Variants in NR2F2 observed in about 807,000 individuals in gnomAD.
NR2F2 encodes the protein COUP transcription factor 2.
NR2F2 carries 2 observed loss-of-function variants against 34.8 expected under a neutral mutation model. The ratio of observed to expected loss-of-function variants is 0.06; its 90% CI spans 0.02 to 0.18. The LOEUF (loss-of-function observed/expected upper bound fraction) is 0.18. Ranked by LOEUF, NR2F2 falls within the 10% of genes least tolerant of loss-of-function variation. The probability of loss-of-function intolerance (pLI) is 1.00; values close to 1 mark genes in which losing one functional copy is unlikely to be tolerated. For synonymous variants in NR2F2, 274 were observed against 251.8 expected, an observed-to-expected ratio of 1.09 and a Z score of -0.84; for missense variants, 300 against 580.1, an observed-to-expected ratio of 0.52 and a Z score of 4.96.
chr15:96,335,828 G>A (rs1178972546), intron 2 of NR2F2, among the ~76,000 whole-genome samples: 1 of 152,222 alleles, frequency 6.6e-6, no homozygotes, highest in Non-Finnish European at 1.5e-5. Flanking sequence ...CTGCTGTCTT[G>A]TACATTGCTG....
At position 96,339,068 on chromosome 15, in the gene NR2F2, T is replaced by G. The variant is rs2141173694; in HGVS notation, c.*1446T>G. ...TAAACCACCCCCATTCACCTAATCC[T>G]CCTTTTAATTAAAAATGGATTTTCC... is the stretch of plus-strand genomic sequence containing the variant. On this transcript the variant is annotated 3_prime_UTR_variant, in exon 3 of 3. Coordinates refer to ENST00000394166, the MANE Select transcript of NR2F2 (RefSeq NM_021005.4). The G allele has an allele frequency of 6.6e-6, 1 of 151,546 alleles. No individual in the cohort carries two copies. 9.4% of individuals were successfully genotyped at this position (151,546 alleles called of 1,614,324 possible).
rs1276931449 is a variant in NR2F2, at chr15:96,330,923, T to C, written c.-1183T>C. The C allele has an allele frequency of 8.8e-7, 1 of 1,131,800 alleles. No homozygotes were observed. Among genetic ancestry groups the C allele is most frequent in the Non-Finnish European group, 1.1e-6 (1 of 922,156 alleles). The allele number at this position is 1,131,800 out of a possible 1,614,324, so 70.1% of individuals were successfully genotyped here. On this transcript the variant is annotated 5_prime_UTR_variant, in exon 1 of 3. Coordinates refer to ENST00000394166, the MANE Select transcript of NR2F2 (RefSeq NM_021005.4). ...TCCCCTCTTTCATTCTTTCTCTCCG[T>C]CTTTTTCTCCCCCCTCTGCGCACGA... is the stretch of plus-strand genomic sequence containing the variant.
Position 96,339,414 on chromosome 15 carries a change from T to C in NR2F2, c.*1792T>C, listed in dbSNP as rs146161816. 1.3e-5 allele frequency: 2 copies of C among 152,318 alleles called. No homozygotes were observed. Among genetic ancestry groups the C allele is most frequent in the East Asian group, 1.9e-4 (1 of 5,182 alleles). The allele number at this position is 152,318 out of a possible 1,614,324, so 9.4% of individuals were successfully genotyped here. ...GGTTCTAAGACTGAAAGGTCTACTTTTAATGTATATATGATAACTTGCAGT... is the reference window on the plus strand; with the variant it reads ...GGTTCTAAGACTGAAAGGTCTACTTCTAATGTATATATGATAACTTGCAGT... On this transcript the variant is annotated 3_prime_UTR_variant, in exon 3 of 3. Transcript: ENST00000394166.
upstream of NR2F2, among the ~76,000 whole-genome samples, chr15:96,329,412 G>A (rs1015433438): frequency 1.3e-5 from 2 of 152,174 alleles, no homozygotes; most frequent in Non-Finnish European, 2.9e-5. Flanking sequence ...CTATGAAGTT[G>A]TTCTTTTTGC....
intron 2 of NR2F2, 81 bp downstream of exon 2, chr15:96,334,684 C>G (rs1899267454): frequency 6.9e-7 from 1 of 1,459,144 alleles, no homozygotes; most frequent in African/African-American, 1.4e-5. Context: ...GTCCCCAGGG[C>G]AAACCCAGTC....
Position 96,334,350 on chromosome 15 carries a change from G to C in NR2F2, c.717G>C (p.Thr239=), listed in dbSNP as rs1382425992. The C allele has an allele frequency of 1.2e-6, 2 of 1,614,042 alleles. No homozygotes were observed. Among genetic ancestry groups the C allele is most frequent in the East Asian group, 2.2e-5 (1 of 44,874 alleles). ...CCTTCTTCCCCGACCTGCAGATCACGGACCAGGTGGCCCTGCTTCGCCTCA... is the reference window on the plus strand; with the variant it reads ...CCTTCTTCCCCGACCTGCAGATCACCGACCAGGTGGCCCTGCTTCGCCTCA... ...NIPFFPDLQI[T]DQVALLRLTW... Residue 239 remains threonine, a synonymous_variant, in exon 2 of 3, where the codon ACG becomes ACC. Transcript: ENST00000394166.
intron 2 of NR2F2, among the ~76,000 whole-genome samples, chr15:96,336,644 C>T (rs568017124): frequency 4.1e-5 from 6 of 146,744 alleles, no homozygotes; most frequent in Non-Finnish European, 7.4e-5. Flanking sequence ...GGATGCTTCT[C>T]GGAGGGACCT....
In NR2F2 at chr15:96,332,200, C is replaced by G. The variant is rs1360897061; in HGVS notation, c.95C>G (p.Pro32Arg). 8.2e-6 allele frequency: 11 copies of G among 1,336,052 alleles called. No individual in the cohort carries two copies. The highest frequency in any genetic ancestry group is 1.1e-5 in the Non-Finnish European group (11 of 1,045,576). 82.8% of individuals were successfully genotyped at this position (1,336,052 alleles called of 1,614,324 possible). Residue 32 changes from proline (P) to arginine (R), a missense_variant, in exon 1 of 3, where the codon CCG becomes CGG. Pro to Arg is a moderately radical substitution (Grantham distance 103, BLOSUM62 -2). This residue lies in a region of NR2F2 where 105 missense variants were observed against 107.8 expected (regional missense o/e 0.97). Transcript: ENST00000394166. Reference protein sequence around the residue: ...QASQAPPVPGPPPGAPHTPQT... With the variant: ...QASQAPPVPGRPPGAPHTPQT... ...TCGCAGGCGCCGCCCGTGCCCGGCC[C>G]GCCGCCCGGCGCCCCGCACACGCCA...
intron 2 of NR2F2, among the ~76,000 whole-genome samples, 180 bp from the exon 3 acceptor site, chr15:96,337,168 C>G (rs186627056): frequency 2.5e-4 from 38 of 152,186 alleles, no homozygotes; most frequent in Admixed American, 9.8e-4. Flanking sequence ...CGCCTCCCCC[C>G]CTTAAGTTTT....
chr15:96,332,131 G>A lies in NR2F2; in HGVS notation c.26G>A (p.Arg9His), dbSNP rs1404672223. The A allele has an allele frequency of 2.2e-6, 3 of 1,357,452 alleles. No homozygotes were observed. Among genetic ancestry groups the A allele is most frequent in the Non-Finnish European group, 2.8e-6 (3 of 1,054,860 alleles). 84.1% of individuals were successfully genotyped at this position (1,357,452 alleles called of 1,614,324 possible). Residue 9 changes from arginine (R) to histidine (H), a missense_variant, in exon 1 of 3, where the codon CGC becomes CAC. Arg to His is a conservative substitution (Grantham distance 29). Transcript: ENST00000394166. Reference sequence around the variant, plus strand: ...ATGGCAATGGTAGTCAGCACGTGGCGCGACCCCCAGGACGAGGTGCCCGGC... The same window carrying A: ...ATGGCAATGGTAGTCAGCACGTGGCACGACCCCCAGGACGAGGTGCCCGGC... MAMVVSTW[R>H]DPQDEVPGSQ...
upstream of NR2F2, among the ~76,000 whole-genome samples, chr15:96,329,243 A>G (rs536644955): frequency 6.6e-6 from 1 of 152,360 alleles, no homozygotes; most frequent in Non-Finnish European, 1.5e-5. Context: ...TGGAATAATG[A>G]TAATTCACTA....
Position 96,338,547 on chromosome 15 carries a change from ATTG to A in NR2F2, c.*929_*931del, listed in dbSNP as rs1899401950. On this transcript the variant is annotated 3_prime_UTR_variant, in exon 3 of 3. Coordinates refer to ENST00000394166, the MANE Select transcript of NR2F2 (RefSeq NM_021005.4). ...ATATTTGCAAACCCTTTGTATTATA[ATTG>A]TTGATATTTTCCCTTTTTAAAAAAT... 1 of 152,592 alleles carries A rather than the reference ATTG, an allele frequency of 6.6e-6. No homozygotes were observed. Among genetic ancestry groups the A allele is most frequent in the African/African-American group, 2.4e-5 (1 of 41,426 alleles). The allele number at this position is 152,592 out of a possible 1,614,324, so 9.5% of individuals were successfully genotyped here. A position where few individuals can be genotyped will look rare whatever the true frequency, so the allele number is the denominator to read the frequency against.
chr15:96,326,202 G>A (rs1898978322), upstream of NR2F2: 1 of 928,474 alleles, frequency 1.1e-6, no homozygotes. This position sits in a 1 kb window ranked among gnomAD's most constrained non-coding sequence, Gnocchi z 5.5. Flanking sequence ...GATAAACACC[G>A]AGGAGGAGAT....
At chr15:96,330,319 C>A (rs1899094368), upstream of NR2F2, among the ~76,000 whole-genome samples, 1 of 151,960 alleles carries the variant, frequency 6.6e-6, no homozygotes, top group Non-Finnish European at 1.5e-5. Context: ...CTAGTCTCCC[C>A]GCCGGGGCGG....
rs1041307591 is a variant in NR2F2 at position 96,332,067 on chromosome 15, G to A, written c.-39G>A. On this transcript the variant is annotated 5_prime_UTR_variant, in exon 1 of 3. Transcript: ENST00000394166. ...CGCCGCCGCCCCGCCGCCGCCCGCA[G>A]CCAGGGGAGCAGGAAGTCCGGACGC... is the stretch of plus-strand genomic sequence containing the variant. 1.8e-5 allele frequency: 23 copies of A among 1,270,876 alleles called. No individual in the cohort carries two copies. In the African/African-American group the frequency reaches 3.4e-4, roughly 19 times the overall value. The allele number at this position is 1,270,876 out of a possible 1,614,324, so 78.7% of individuals were successfully genotyped here.
Position 96,332,045 on chromosome 15 carries a change from C to G in NR2F2, c.-61C>G. On this transcript the variant is annotated 5_prime_UTR_variant, in exon 1 of 3. Transcript: ENST00000394166. ...CGGAGCCCGAGACCCGGGGAGCCGC[C>G]GCCGCCCCGCCGCCGCCCGCAGCCA... 1 of 1,252,482 alleles carries G rather than the reference C, an allele frequency of 8.0e-7. No homozygotes were observed. Among genetic ancestry groups the G allele is most frequent in the Non-Finnish European group, 1.0e-6 (1 of 997,940 alleles). The allele number at this position is 1,252,482 out of a possible 1,614,324, so 77.6% of individuals were successfully genotyped here.
Position 96,332,253 on chromosome 15 carries a change from A to G in NR2F2, c.148A>G (p.Ser50Gly), listed in dbSNP as rs1899169362. The G allele has an allele frequency of 1.3e-6, 2 of 1,543,022 alleles. No homozygotes were observed. Among genetic ancestry groups the G allele is most frequent in the Non-Finnish European group, 1.7e-6 (2 of 1,145,510 alleles). Residue 50 changes from serine to glycine, a missense_variant, in exon 1 of 3, where the codon AGC becomes GGC. By Grantham distance (56) the Ser-to-Gly change is moderately conservative. Transcript: ENST00000394166. ...PQTPGQGGPASTPAQTAAGGQ... is the reference protein window; with the variant it reads ...PQTPGQGGPAGTPAQTAAGGQ... ...GACGCCCGGCCAAGGGGGCCCAGCC[A>G]GCACGCCAGCCCAGACGGCGGCCGG...
upstream of NR2F2, among the ~76,000 whole-genome samples, chr15:96,329,982 T>G (rs1039333230): frequency 3.3e-5 from 5 of 152,036 alleles, no homozygotes; most frequent in Non-Finnish European, 7.3e-5. Flanking sequence ...AAAGAATATA[T>G]GTCATATATA....
Position 96,330,757 on chromosome 15 carries a change from C to G in NR2F2, c.-1349C>G, listed in dbSNP as rs1400029973. The G allele has an allele frequency of 1.2e-6, 1 of 813,924 alleles. No homozygotes were observed. The highest frequency in any genetic ancestry group is 1.5e-6 in the Non-Finnish European group (1 of 652,208). The allele number at this position is 813,924 out of a possible 1,614,324, so 50.4% of individuals were successfully genotyped here. On this transcript the variant is annotated 5_prime_UTR_variant, in exon 1 of 3. Transcript: ENST00000394166. ...AAATCGCATTCCCTCCCGCGCCCCC[C>G]TTTTTAGCATATTTGATCACTTTGA...
Sources: gnomAD v4.1 joint callset for allele counts (sites outside exome capture counted in the v4.1 genomes callset) on GRCh38, gnomAD v4.1.1 for gene constraint, gnomAD v4.1.1 regional missense constraint, Gnocchi (gnomAD v3.1) non-coding constraint, MANE v1.5 for transcripts, NCBI Gene and HGNC (gene_info 2026-07-23, HGNC 2026-07-21) for gene names.